The following CD9 variants were observed in gnomAD, a reference collection of about 807,000 sequenced individuals.
CD9 encodes CD9 antigen.
CD9 carries 10 observed loss-of-function variants against 31.4 expected under a neutral mutation model. The observed-to-expected ratio is 0.32, with a 90% CI of 0.20 to 0.54. The LOEUF (loss-of-function observed/expected upper bound fraction) is 0.54. Among genes scored for constraint, CD9 ranks in the 20% least tolerant of loss-of-function variants. The pLI is 0.94. For synonymous variants in CD9, 113 were observed against 114.1 expected (o/e 0.99, Z 0.06); for missense variants, 259 against 300.1 (o/e 0.86, Z 1.01).
Position 6,222,557 on chromosome 12 carries a change from G to A in CD9, c.67-2869G>A, listed in dbSNP as rs780065923. ...CCGAATGCGGGGGACTCCCGACTCC[G>A]GGCTTGGCCTGGCCCTTGGCCAAGA... On this transcript the variant is annotated intron_variant, in intron 1 of 7. Transcript: ENST00000009180. Among the ~76,000 whole-genome samples, 7 of 152,106 alleles carry A rather than the reference G, an allele frequency of 4.6e-5. No individual in the cohort carries two copies. The South Asian group carries it at 8.3e-4, about 18-fold the overall frequency.
intron 1 of CD9, among the ~76,000 whole-genome samples, chr12:6,217,563 G>C (rs759471938): frequency 2.0e-5 from 3 of 152,096 alleles, no homozygotes; most frequent in Non-Finnish European, 4.4e-5. Context: ...TGATTCTGAT[G>C]CCCACCCCAT....
intron 2 of CD9, among the ~76,000 whole-genome samples, chr12:6,228,426 C>T (rs921717924): frequency 2.0e-4 from 31 of 152,062 alleles, no homozygotes; most frequent in Admixed American, 1.4e-3. Flanking sequence ...GTGGCGTGCA[C>T]CTATAATCCC....
chr12:6,236,541 A>G (rs551748817), intron 7 of CD9: 13 of 515,916 alleles, frequency 2.5e-5, no homozygotes, highest in Non-Finnish European at 4.4e-5. Context: ...TTCAGGGCAC[A>G]TGGGTGGCAG....
At chr12:6,204,599 A>G (rs1946110659) in intron 1 of CD9, among the ~76,000 whole-genome samples, 1 of 152,142 alleles carries the variant, frequency 6.6e-6, no homozygotes, top group African/African-American at 2.4e-5. Flanking sequence ...TACTTGGCCT[A>G]GTGATCAAAG....
rs747845527 is a variant in CD9 at position 6,235,284 on chromosome 12, A to C, written c.404A>C (p.Lys135Thr). 1 of 1,613,764 alleles carries C rather than the reference A, an allele frequency of 6.2e-7. No homozygotes were observed. Among genetic ancestry groups the C allele is most frequent in the Non-Finnish European group, 8.5e-7 (1 of 1,179,604 alleles). The change falls in exon 5 of 8, where the codon AAG (lysine) becomes ACG (threonine). Residue 135 changes from lysine (K) to threonine (T), a missense_variant. Coordinates refer to ENST00000009180, the MANE Select transcript of CD9 (RefSeq NM_001769.4). ...GACACCTACAACAAGCTGAAAACCA[A>C]GGATGAGCCCCAGCGGGAAACGCTG... ...YKDTYNKLKT[K>T]DEPQRETLKA...
chr12:6,213,856 C>T (rs1395984241), intron 1 of CD9, among the ~76,000 whole-genome samples: 1 of 152,196 alleles, frequency 6.6e-6, no homozygotes, highest in African/African-American at 2.4e-5. Context: ...CTCTTGGCCC[C>T]CACCAGGGCT....
intron 2 of CD9, among the ~76,000 whole-genome samples, chr12:6,230,172 C>T (rs569132328): frequency 6.6e-6 from 1 of 152,270 alleles, no homozygotes; most frequent in South Asian, 2.1e-4. Context: ...GCTGAGTCCC[C>T]GAACACAGCT....
intron 1 of CD9, among the ~76,000 whole-genome samples, chr12:6,211,440 C>T (rs1232163851): frequency 2.6e-5 from 4 of 152,162 alleles, no homozygotes; most frequent in African/African-American, 7.2e-5. Context: ...GCCGTTCCAC[C>T]AAGCGGTGCC....
intron 1 of CD9, 40 bp from the exon 2 acceptor site, chr12:6,225,386 G>C: frequency 7.3e-7 from 1 of 1,374,614 alleles, no homozygotes; most frequent in African/African-American, 1.4e-5. Flanking sequence ...TGTTGTTGCT[G>C]GCAGCCAGAA....
At chr12:6,215,539 A>G (rs143971512) in intron 1 of CD9, among the ~76,000 whole-genome samples, 150 of 152,288 alleles carry the variant, frequency 9.8e-4, no homozygotes, top group Middle Eastern at 3.4e-3. Flanking sequence ...GAGCTGCTGG[A>G]CTGGCATAGA....
rs1464310137 is a variant in CD9 at position 6,238,008 on chromosome 12, C to G, written c.*180C>G. On this transcript the variant is annotated 3_prime_UTR_variant, in exon 8 of 8. Coordinates refer to ENST00000009180, the MANE Select transcript of CD9 (RefSeq NM_001769.4). ...TATGTTTGTCTTTTAATGCTTCATT[C>G]AATATTGACATTTGTAGTTGAGCGG... is the stretch of plus-strand genomic sequence containing the variant. 7.7e-6 allele frequency: 4 copies of G among 520,386 alleles called. No homozygotes were observed. The highest frequency in any genetic ancestry group is 1.4e-5 in the Non-Finnish European group (4 of 288,364). 32.2% of individuals were successfully genotyped at this position (520,386 alleles called of 1,614,324 possible). A position where few individuals can be genotyped will look rare whatever the true frequency, so the allele number is the denominator to read the frequency against.
At chr12:6,235,909 T>C in intron 6 of CD9, 2 of 1,379,686 alleles carry the variant, frequency 1.4e-6, no homozygotes. Flanking sequence ...TCCAGAATAG[T>C]AAAAGGTGAC....
At chr12:6,207,789 G>T (rs556126479) in intron 1 of CD9, among the ~76,000 whole-genome samples, 1 of 152,212 alleles carries the variant, frequency 6.6e-6, no homozygotes, top group African/African-American at 2.4e-5. Context: ...TCCAGAGGAG[G>T]TCCCGGTAGA....
rs1946467000 is a variant in CD9 at position 6,232,882 on chromosome 12, G to T, written c.273+153G>T. The stretch of plus-strand genomic sequence containing the variant: ...CTGTCCTCAGCCTGGGCCCCTCCCC[G>T]ATGTGAGGCGTCGCCCCTCTTCCTT... On this transcript the variant is annotated intron_variant, in intron 3 of 7. Transcript: ENST00000009180. This position sits in a 1 kb window ranked among gnomAD's most constrained non-coding sequence, Gnocchi z 4.8. 1.8e-5 allele frequency: 13 copies of T among 706,410 alleles called. No individual in the cohort carries two copies. In the South Asian group the frequency reaches 1.9e-4, roughly 10 times the overall value. The allele number at this position is 706,410 out of a possible 1,614,324, so 43.8% of individuals were successfully genotyped here. A position where few individuals can be genotyped will look rare whatever the true frequency, so the allele number is the denominator to read the frequency against.
rs938076110 is a variant in CD9 at position 6,237,871 on chromosome 12, T to C, written c.*43T>C. The C allele has an allele frequency of 3.5e-6, 5 of 1,421,612 alleles. No homozygotes were observed. The highest frequency in any genetic ancestry group is 5.0e-6 in the Non-Finnish European group (5 of 1,009,480). 88.1% of individuals were successfully genotyped at this position (1,421,612 alleles called of 1,614,324 possible). A position where few individuals can be genotyped will look rare whatever the true frequency, so the allele number is the denominator to read the frequency against. ...GAGCAGGAAAGTTTACCCATGAAGA[T>C]TGGTGGGATTTTTTGTTTGTTTGTT... is the stretch of plus-strand genomic sequence containing the variant. On this transcript the variant is annotated 3_prime_UTR_variant, in exon 8 of 8. Coordinates refer to ENST00000009180, the MANE Select transcript of CD9 (RefSeq NM_001769.4).
intron 1 of CD9, among the ~76,000 whole-genome samples, chr12:6,204,575 C>T (rs954255267): frequency 4.6e-5 from 7 of 152,124 alleles, no homozygotes; most frequent in Non-Finnish European, 1.0e-4. Flanking sequence ...GTGTTCATTG[C>T]CCGTATACCT....
At chr12:6,228,307 T>TAGCC (rs1946395353) in intron 2 of CD9, among the ~76,000 whole-genome samples, 1 of 152,102 alleles carries the variant, frequency 6.6e-6, no homozygotes, top group Non-Finnish European at 1.5e-5. Flanking sequence ...CCTCTAGCAC[T>TAGCC]TTGGGAGGCC....
intron 1 of CD9, among the ~76,000 whole-genome samples, chr12:6,212,496 G>C (rs1406909479): frequency 6.6e-6 from 1 of 152,198 alleles, no homozygotes; most frequent in African/African-American, 2.4e-5. Context: ...GCCAGGCATA[G>C]CAAGGTGGTG....
chr12:6,210,491 C>T (rs1280747368), intron 1 of CD9, among the ~76,000 whole-genome samples: 1 of 152,210 alleles, frequency 6.6e-6, no homozygotes, highest in South Asian at 2.1e-4. Flanking sequence ...ACTACCCCCA[C>T]TGCCCCCAAG....
Sources: allele counts gnomAD v4.1 joint callset (sites outside exome capture counted in the v4.1 genomes callset), GRCh38; gene constraint gnomAD v4.1.1; non-coding constraint Gnocchi (gnomAD v3.1); transcripts MANE v1.5; gene names NCBI Gene and HGNC (gene_info 2026-07-23, HGNC 2026-07-21).